The following SLC24A4 variants were observed in gnomAD, a reference collection of about 807,000 sequenced individuals.
The protein encoded by SLC24A4 is solute carrier family 24 member 4, also known as sodium/potassium/calcium exchanger 4.
In SLC24A4, 53 loss-of-function variants were observed where a neutral mutation model predicts 79.0. The ratio of observed to expected loss-of-function variants is 0.67; its 90% confidence interval spans 0.54 to 0.84. SLC24A4 has a LOEUF of 0.84. Ranked by LOEUF, SLC24A4 falls within the 40% of genes least tolerant of loss-of-function variation. The pLI, the probability that SLC24A4 is intolerant of heterozygous loss-of-function variation, is 0.00. For synonymous variants in SLC24A4, 323 were observed against 323.8 expected (o/e 1.00, Z 0.03); for missense variants, 731 against 822.0 (o/e 0.89, Z 1.35).
chr14:92,461,748 T>A (rs1458223649), intron 12 of SLC24A4, among the ~76,000 whole-genome samples: 1 of 152,184 alleles, frequency 6.6e-6, no homozygotes, highest in African/African-American at 2.4e-5. Context: ...CATGGCAGGA[T>A]CTCACGGGGC....
chr14:92,385,302 C>T (rs1400029698), intron 2 of SLC24A4, among the ~76,000 whole-genome samples: 1 of 152,020 alleles, frequency 6.6e-6, no homozygotes, highest in African/African-American at 2.4e-5. Flanking sequence ...GCCAGGAGAT[C>T]GATACCATCC....
chr14:92,419,734 A>G (rs1165541395), intron 2 of SLC24A4, among the ~76,000 whole-genome samples: 1 of 152,202 alleles, frequency 6.6e-6, no homozygotes, highest in Non-Finnish European at 1.5e-5. Flanking sequence ...TATTCCTAAG[A>G]GTTCATTCAT....
intron 2 of SLC24A4, among the ~76,000 whole-genome samples, chr14:92,352,880 T>C (rs1056160842): frequency 7.9e-5 from 12 of 152,204 alleles, no homozygotes; most frequent in African/African-American, 2.9e-4. Flanking sequence ...CATCCATCTA[T>C]GGAATAAGTC....
chr14:92,481,697 A>G (rs751349987), intron 12 of SLC24A4, among the ~76,000 whole-genome samples: 7 of 152,218 alleles, frequency 4.6e-5, no homozygotes, highest in East Asian at 1.9e-4. Context: ...CTAAGGTCCA[A>G]CTGATTTTTT....
chr14:92,482,171 C>G (rs748376137), intron 12 of SLC24A4, among the ~76,000 whole-genome samples: 1 of 152,256 alleles, frequency 6.6e-6, no homozygotes, highest in South Asian at 2.1e-4. Flanking sequence ...ATACCTTTCT[C>G]ATTTAACAGA....
rs12588868 is a variant in SLC24A4 at position 92,442,965 on chromosome 14, T to C, written c.582+149T>C. ...ACATTTGGGGCCTGGTTTTGGCCTC[T>C]CCAACAGGGAGCATGAAGCTGGATT... is the stretch of plus-strand genomic sequence containing the variant. On this transcript the variant is annotated intron_variant, in intron 6 of 16. Transcript: ENST00000532405. The C allele has an allele frequency of 0.53, 338,705 of 638,158 alleles. 93,516 individuals are homozygous for C. The highest frequency in any genetic ancestry group is 0.8 in the East Asian group (28,847 of 36,236). 39.5% of individuals were successfully genotyped at this position (638,158 alleles called of 1,614,324 possible).
At chr14:92,459,152 T>C (rs1410368674) in intron 12 of SLC24A4, among the ~76,000 whole-genome samples, 3 of 152,178 alleles carry the variant, frequency 2.0e-5, no homozygotes, top group Non-Finnish European at 4.4e-5. Context: ...CCCGTTTTGG[T>C]CATCCTTACC....
At chr14:92,468,677 T>G (rs1894256557) in intron 12 of SLC24A4, among the ~76,000 whole-genome samples, 1 of 152,230 alleles carries the variant, frequency 6.6e-6, no homozygotes, top group Non-Finnish European at 1.5e-5. Flanking sequence ...TTTCAACAAA[T>G]GGTGCTAGGA....
At chr14:92,406,592 G>A (rs1193377718) in intron 2 of SLC24A4, among the ~76,000 whole-genome samples, 5 of 152,148 alleles carry the variant, frequency 3.3e-5, no homozygotes, top group African/African-American at 1.2e-4. Context: ...CACACCTACA[G>A]GCCCAACACC....
chr14:92,334,710 G>A (rs952484170), intron 2 of SLC24A4, among the ~76,000 whole-genome samples: 3 of 152,124 alleles, frequency 2.0e-5, no homozygotes, highest in South Asian at 2.1e-4. Context: ...CTTACTGGCC[G>A]TGTGACCCTG....
At chr14:92,385,765 C>A (rs2141721278) in intron 2 of SLC24A4, among the ~76,000 whole-genome samples, 1 of 152,222 alleles carries the variant, frequency 6.6e-6, no homozygotes, top group South Asian at 2.1e-4. Flanking sequence ...AGCCCTTGTC[C>A]CATGAGGCTG....
At chr14:92,461,400 G>A (rs988118696) in intron 12 of SLC24A4, among the ~76,000 whole-genome samples, 4 of 152,180 alleles carry the variant, frequency 2.6e-5, no homozygotes, top group African/African-American at 2.4e-5. Context: ...GAATGTCACC[G>A]ACGAAGCAGC....
At chr14:92,381,557 C>G (rs1200024123) in intron 2 of SLC24A4, among the ~76,000 whole-genome samples, 1 of 152,012 alleles carries the variant, frequency 6.6e-6, no homozygotes, top group African/African-American at 2.4e-5. Flanking sequence ...CGTAACAAAC[C>G]TGCATATTCA....
At chr14:92,393,457 T>C (rs2402135) in intron 2 of SLC24A4, among the ~76,000 whole-genome samples, 2,299 of 152,058 alleles carry the variant, frequency 0.015, 74 homozygotes, top group African/African-American at 0.053. Flanking sequence ...GGGAGCTGGC[T>C]GTGAGTGGAT....
chr14:92,442,945 T>A, intron 6 of SLC24A4, 129 bp downstream of exon 6: 1 of 752,552 alleles, frequency 1.3e-6, no homozygotes. Context: ...TGGATACATT[T>A]GGGGCCTGGT....
intron 2 of SLC24A4, among the ~76,000 whole-genome samples, chr14:92,423,458 C>A (rs1277899025): frequency 1.3e-5 from 2 of 152,176 alleles, no homozygotes; most frequent in Non-Finnish European, 2.9e-5. Context: ...CCACGCCCAG[C>A]CTAATTTACT....
chr14:92,491,056 G>A (rs1320682904), intron 14 of SLC24A4, among the ~76,000 whole-genome samples: 1 of 152,202 alleles, frequency 6.6e-6, no homozygotes, highest in Non-Finnish European at 1.5e-5. Context: ...TTCACACATT[G>A]TTCGAGTCAC....
chr14:92,457,007 T>C (rs1486766088), intron 12 of SLC24A4, among the ~76,000 whole-genome samples: 1 of 152,238 alleles, frequency 6.6e-6, no homozygotes, highest in African/African-American at 2.4e-5. Context: ...ATTTTGCCTA[T>C]GCATCTCTTT....
chr14:92,365,109 C>T (rs146117700), intron 2 of SLC24A4, among the ~76,000 whole-genome samples: 776 of 152,376 alleles, frequency 5.1e-3, no homozygotes, highest in Non-Finnish European at 8.7e-3. Flanking sequence ...GCCACTGGCA[C>T]CGCCATCCTT....
Sources: allele counts gnomAD v4.1 joint callset (sites outside exome capture counted in the v4.1 genomes callset), GRCh38; gene constraint gnomAD v4.1.1; transcripts MANE v1.5; gene names NCBI Gene and HGNC (gene_info 2026-07-23, HGNC 2026-07-21).